Variants in ABCG2 observed in about 807,000 individuals in gnomAD.
The protein encoded by ABCG2 is ATP binding cassette subfamily G member 2 (JR blood group).
ABCG2 carries 80 observed loss-of-function variants against 73.5 expected under a neutral mutation model. The observed-to-expected ratio is 1.09, with a 90% CI of 0.91 to 1.31. The LOEUF is 1.31. Ranked by LOEUF, ABCG2 falls within the 50% of genes most tolerant of loss-of-function variation. The pLI, the probability that ABCG2 is intolerant of heterozygous loss-of-function variation, is 0.00. For synonymous variants in ABCG2, 269 were observed against 282.4 expected (o/e 0.95, Z 0.48); for missense variants, 796 against 786.2 (o/e 1.01, Z -0.15).
chr4:88,212,211 C>T (rs1025571271), intron 1 of ABCG2, among the ~76,000 whole-genome samples: 1 of 152,134 alleles, frequency 6.6e-6, no homozygotes, highest in East Asian at 1.9e-4. Flanking sequence ...TGAGCGACTA[C>T]CAAAAAATAT....
upstream of ABCG2, chr4:88,159,276 A>T (rs767528461): frequency 2.2e-6 from 1 of 454,104 alleles, no homozygotes; most frequent in East Asian, 7.0e-5. Flanking sequence ...GCTGACGCAC[A>T]GGTTGCCCAG....
At chr4:88,098,867 T>C (rs944879704) in intron 12 of ABCG2, among the ~76,000 whole-genome samples, 3 of 152,066 alleles carry the variant, frequency 2.0e-5, no homozygotes, top group Admixed American at 2.0e-4. Flanking sequence ...TCCCAGCACT[T>C]TGGGAGGCTG....
chr4:88,146,551 C>T (rs1468528915), intron 1 of ABCG2, among the ~76,000 whole-genome samples: 1 of 152,088 alleles, frequency 6.6e-6, no homozygotes, highest in Non-Finnish European at 1.5e-5. Context: ...CCCACCACCA[C>T]ACTTGGCGAT....
At chr4:88,219,727 G>A (rs1193570096) in intron 1 of ABCG2, among the ~76,000 whole-genome samples, 1 of 150,216 alleles carries the variant, frequency 6.7e-6, no homozygotes, top group African/African-American at 2.4e-5. Context: ...GACTACAGGC[G>A]CACAGTGCCA....
chr4:88,161,994 C>T (rs558649369), upstream of ABCG2, among the ~76,000 whole-genome samples: 219 of 151,274 alleles, frequency 1.4e-3, no homozygotes, highest in Admixed American at 2.6e-3. Context: ...CTGTTCATGT[C>T]CTTCGCCCAC....
At chr4:88,160,963 C>T (rs1727274721), upstream of ABCG2, among the ~76,000 whole-genome samples, 3 of 151,278 alleles carry the variant, frequency 2.0e-5, no homozygotes, top group South Asian at 6.3e-4. Flanking sequence ...ATTGCTTGAG[C>T]CCAGGAGTTC....
At chr4:88,190,583 T>C (rs529226700) in intron 1 of ABCG2, among the ~76,000 whole-genome samples, 1 of 152,350 alleles carries the variant, frequency 6.6e-6, no homozygotes, top group African/African-American at 2.4e-5. Flanking sequence ...GATTTCAAAC[T>C]GTGTTCTGAT....
intron 5 of ABCG2, 22 bp downstream of exon 5, chr4:88,131,039 G>A (rs1232615555): frequency 3.1e-6 from 5 of 1,613,022 alleles, no homozygotes; most frequent in Middle Eastern, 3.3e-4. Context: ...TGATCATGAT[G>A]CTTTCAGTTT....
intron 9 of ABCG2, among the ~76,000 whole-genome samples, chr4:88,111,704 T>C (rs1181520117): frequency 1.3e-5 from 2 of 152,200 alleles, no homozygotes; most frequent in East Asian, 1.9e-4. Context: ...TTAATAAAAA[T>C]AACAGCCCCA....
At chr4:88,115,835 T>A (rs1276109017) in intron 7 of ABCG2, among the ~76,000 whole-genome samples, 2 of 151,986 alleles carry the variant, frequency 1.3e-5, no homozygotes, top group Non-Finnish European at 2.9e-5. Context: ...GCTCTCTGAG[T>A]TCACCGACAG....
chr4:88,132,462 C>A, intron 3 of ABCG2, 114 bp downstream of exon 3: 1 of 1,119,014 alleles, frequency 8.9e-7, no homozygotes, highest in Admixed American at 1.8e-5. Context: ...AGAACCAGAC[C>A]TGACATGCGT....
chr4:88,213,471 T>TGGAAGGCA (rs1729681462), intron 1 of ABCG2, among the ~76,000 whole-genome samples: 1 of 152,108 alleles, frequency 6.6e-6, no homozygotes, highest in South Asian at 2.1e-4. Flanking sequence ...TTCTCTCCTA[T>TGGAAGGCA]TACCCTACCC....
chr4:88,157,689 A>G (rs749047947), intron 1 of ABCG2, among the ~76,000 whole-genome samples: 13 of 152,226 alleles, frequency 8.5e-5, no homozygotes, highest in Non-Finnish European at 1.5e-4. Context: ...ATCAAGATCT[A>G]TACAATCCAG....
chr4:88,160,499 G>A (rs1727248507), upstream of ABCG2, among the ~76,000 whole-genome samples: 1 of 151,980 alleles, frequency 6.6e-6, no homozygotes, highest in South Asian at 2.1e-4. Context: ...TTTTAAAAAT[G>A]GATACTTAGT....
rs559844187 is a variant in ABCG2 at position 88,224,313 on chromosome 4, C to T, written c.-20+6681G>A. 4.6e-5 allele frequency among the ~76,000 whole-genome samples: 7 copies of T among 152,156 alleles called. No homozygotes were observed. The East Asian group carries it at 1.4e-3, about 29-fold the overall frequency. ...ATTATCTGGGTGTGGTGGTGGGTGC[C>T]TGTAGTCCCAGCTCCTAGGGAGGCT... is the stretch of plus-strand genomic sequence containing the variant. On this transcript the variant is annotated intron_variant, in intron 1 of 15. Coordinates refer to the ABCG2 transcript ENST00000515655.
upstream of ABCG2, chr4:88,158,850 C>G: frequency 3.0e-6 from 1 of 334,108 alleles, no homozygotes; most frequent in East Asian, 1.0e-4. Context: ...CGAGCTCAGG[C>G]AGCGCTGACA....
intron 1 of ABCG2, among the ~76,000 whole-genome samples, chr4:88,155,898 T>A (rs1726905141): frequency 6.6e-6 from 1 of 150,558 alleles, no homozygotes; most frequent in East Asian, 2.0e-4. Context: ...CAAGACTCCA[T>A]CTCAAAAAAA....
chr4:88,146,335 A>G (rs1445688577), intron 1 of ABCG2, among the ~76,000 whole-genome samples: 1 of 113,590 alleles, frequency 8.8e-6, no homozygotes, highest in East Asian at 3.5e-4. Flanking sequence ...TCCTTACATA[A>G]GTAAGGTGGG....
intron 10 of ABCG2, among the ~76,000 whole-genome samples, chr4:88,101,869 G>A (rs1722447324): frequency 6.6e-6 from 1 of 152,200 alleles, no homozygotes; most frequent in South Asian, 2.1e-4. Context: ...TAAGCCACTT[G>A]CTCTATGGTA....
Sources: gnomAD v4.1 joint callset for allele counts (sites outside exome capture counted in the v4.1 genomes callset) on GRCh38, gnomAD v4.1.1 for gene constraint, MANE v1.5 for transcripts, NCBI Gene and HGNC (gene_info 2026-07-23, HGNC 2026-07-21) for gene names.